IFTAP: variants seen among roughly 807,000 people sequenced by gnomAD.
IFTAP encodes the protein intraflagellar transport-associated protein.
A neutral mutation model predicts 19.4 loss-of-function variants in IFTAP; 19 were observed. That is an observed-to-expected ratio of 0.98 (90% CI 0.68 to 1.44). The LOEUF (loss-of-function observed/expected upper bound fraction) is 1.44, where lower values mean the gene tolerates loss of function less well. Ranked by LOEUF, IFTAP falls within the 40% of genes most tolerant of loss-of-function variation. The pLI is 0.00. For synonymous variants in IFTAP, 85 were observed against 83.5 expected (o/e 1.02, Z -0.10); for missense variants, 240 against 253.6 (o/e 0.95, Z 0.36).
intron 1 of IFTAP, among the ~76,000 whole-genome samples, chr11:36,604,066 A>G (rs558918667): frequency 6.6e-6 from 1 of 152,296 alleles, no homozygotes; most frequent in South Asian, 2.1e-4. Context: ...TTTAGGATGG[A>G]TGTGCTCCCT....
At chr11:36,595,271 T>A (rs1441005539) in intron 1 of IFTAP, 1 of 152,172 alleles carries the variant, frequency 6.6e-6, no homozygotes, top group African/African-American at 2.4e-5. Flanking sequence ...AATAATTCTG[T>A]AGTAAGTAAG....
intron 2 of IFTAP, among the ~76,000 whole-genome samples, chr11:36,619,948 T>C (rs953550744): frequency 6.6e-5 from 6 of 90,232 alleles, no homozygotes; most frequent in Admixed American, 1.3e-4. Context: ...AAACTTACTT[T>C]AACTGAAGAC....
At chr11:36,614,188 G>A (rs372272687) in intron 2 of IFTAP, among the ~76,000 whole-genome samples, 2 of 143,928 alleles carry the variant, frequency 1.4e-5, no homozygotes, top group Admixed American at 6.9e-5. Context: ...TTGTTCTTGC[G>A]ATAGTTTACT....
Position 36,626,827 on chromosome 11 carries a change from G to T in IFTAP, c.137-6457G>T, listed in dbSNP as rs572713989. ...GTGTGGAGGGAAGTTAAACTGCATAGTTACCCTGTGGTTTTATTTCATCAT... is the reference window on the plus strand; with the variant it reads ...GTGTGGAGGGAAGTTAAACTGCATATTTACCCTGTGGTTTTATTTCATCAT... On this transcript the variant is annotated intron_variant, in intron 2 of 5. Transcript: ENST00000334307. 2.6e-5 allele frequency among the ~76,000 whole-genome samples: 4 copies of T among 151,190 alleles called. No homozygotes were observed. The South Asian group carries it at 8.3e-4, about 31-fold the overall frequency.
chr11:36,600,156 A>G (rs1424270181), intron 1 of IFTAP, among the ~76,000 whole-genome samples: 2 of 152,246 alleles, frequency 1.3e-5, no homozygotes, highest in African/African-American at 4.8e-5. Flanking sequence ...CTGATCTCCA[A>G]AAGTCCTCAG....
intron 4 of IFTAP, among the ~76,000 whole-genome samples, chr11:36,639,929 T>C (rs1853130537): frequency 6.6e-6 from 1 of 152,256 alleles, no homozygotes; most frequent in Non-Finnish European, 1.5e-5. Flanking sequence ...AATTTGCAAC[T>C]TTAAGCAGCT....
At chr11:36,599,945 T>C (rs527400681) in intron 1 of IFTAP, among the ~76,000 whole-genome samples, 2 of 152,338 alleles carry the variant, frequency 1.3e-5, no homozygotes, top group Admixed American at 6.5e-5. Context: ...CATGGATAGA[T>C]TTAGATGTGT....
chr11:36,596,915 T>C (rs1294578290), intron 1 of IFTAP, among the ~76,000 whole-genome samples: 1 of 152,202 alleles, frequency 6.6e-6, no homozygotes, highest in East Asian at 1.9e-4. Flanking sequence ...TAAGGAGGAT[T>C]GTCCATTTTT....
chr11:36,634,703 G>A (rs138102562), intron 3 of IFTAP, among the ~76,000 whole-genome samples: 4 of 152,258 alleles, frequency 2.6e-5, no homozygotes, highest in African/African-American at 9.6e-5. Context: ...GGTAAGGCAT[G>A]TTTCAATTTT....
intron 2 of IFTAP, among the ~76,000 whole-genome samples, chr11:36,627,107 C>A (rs1052380700): frequency 6.6e-6 from 1 of 151,110 alleles, no homozygotes; most frequent in Non-Finnish European, 1.5e-5. Flanking sequence ...TCATATGATT[C>A]CACTGGTATG....
At chr11:36,617,361 G>C (rs1043498548) in intron 2 of IFTAP, among the ~76,000 whole-genome samples, 1 of 122,942 alleles carries the variant, frequency 8.1e-6, no homozygotes, top group Non-Finnish European at 1.9e-5. Flanking sequence ...CTTTTGTGAT[G>C]GCAGACTTTT....
rs961709893 is a variant in IFTAP, at chr11:36,659,262, A to G, written c.*76A>G. On this transcript the variant is annotated 3_prime_UTR_variant, in exon 6 of 6. Coordinates refer to ENST00000334307, the MANE Select transcript of IFTAP (RefSeq NM_138787.4). ...CTAGCAACATTAGAATAAAAGATAA[A>G]CCTACTATAATTCCCTTTGTGGAAA... is the stretch of plus-strand genomic sequence containing the variant. The G allele has an allele frequency of 2.3e-6, 3 of 1,297,852 alleles. No homozygotes were observed. The highest frequency in any genetic ancestry group is 2.0e-6 in the Non-Finnish European group (2 of 986,124). 80.4% of individuals were successfully genotyped at this position (1,297,852 alleles called of 1,614,324 possible).
chr11:36,649,028 C>T (rs917916815), intron 5 of IFTAP, among the ~76,000 whole-genome samples: 3 of 152,086 alleles, frequency 2.0e-5, no homozygotes, highest in African/African-American at 7.2e-5. Flanking sequence ...CTGGTAGTGA[C>T]CTTTCTCACC....
chr11:36,628,351 C>A (rs956256414), intron 2 of IFTAP, among the ~76,000 whole-genome samples: 1 of 151,354 alleles, frequency 6.6e-6, no homozygotes, highest in African/African-American at 2.5e-5. Context: ...ACAGTGCTCA[C>A]CTGTTGAAAT....
intron 4 of IFTAP, among the ~76,000 whole-genome samples, chr11:36,641,035 A>T (rs1273369476): frequency 6.6e-6 from 1 of 152,112 alleles, no homozygotes; most frequent in Non-Finnish European, 1.5e-5. Context: ...ATCAAAGAAA[A>T]ATATCCACAA....
intron 3 of IFTAP, among the ~76,000 whole-genome samples, chr11:36,634,488 A>G (rs1852859034): frequency 6.6e-6 from 1 of 152,130 alleles, no homozygotes; most frequent in African/African-American, 2.4e-5. Flanking sequence ...TTGGTCTGTT[A>G]TGCTCAGCTA....
chr11:36,635,107 T>A (rs890774513), intron 3 of IFTAP, among the ~76,000 whole-genome samples: 7 of 152,164 alleles, frequency 4.6e-5, no homozygotes, highest in Non-Finnish European at 7.4e-5. Flanking sequence ...AATTCCTATG[T>A]AATAGCTATG....
intron 2 of IFTAP, among the ~76,000 whole-genome samples, chr11:36,616,726 C>T (rs1163042891): frequency 1.3e-5 from 2 of 151,944 alleles, no homozygotes; most frequent in East Asian, 1.9e-4. Context: ...GTGTAGTAAC[C>T]GTATGATTTG....
At chr11:36,650,854 C>CAA (rs1853693282) in intron 5 of IFTAP, among the ~76,000 whole-genome samples, 1 of 152,054 alleles carries the variant, frequency 6.6e-6, no homozygotes, top group Non-Finnish European at 1.5e-5. Context: ...TGGTTTCCAG[C>CAA]TTCATCCATG....
Sources: gnomAD v4.1 joint callset for allele counts (sites outside exome capture counted in the v4.1 genomes callset) on GRCh38, gnomAD v4.1.1 for gene constraint, MANE v1.5 for transcripts, NCBI Gene and HGNC (gene_info 2026-07-23, HGNC 2026-07-21) for gene names.